GAPVD1: variants seen among roughly 807,000 people sequenced by gnomAD.
The protein encoded by GAPVD1 is GTPase-activating protein and VPS9 domain-containing protein 1.
A neutral mutation model predicts 155.5 loss-of-function variants in GAPVD1; 35 were observed. That is an observed-to-expected ratio of 0.23 (90% CI 0.17 to 0.30). The LOEUF is 0.30. Ranked by LOEUF, GAPVD1 falls within the 10% of genes least tolerant of loss-of-function variation. The probability of loss-of-function intolerance (pLI) is 1.00; values close to 1 mark genes in which losing one functional copy is unlikely to be tolerated. For synonymous variants in GAPVD1, 636 were observed against 619.7 expected (o/e 1.03, Z -0.39); for missense variants, 1,429 against 1,775.7 (o/e 0.80, Z 3.51).
At chr9:125,276,670 CAG>C (rs950984070) in intron 2 of GAPVD1, among the ~76,000 whole-genome samples, 4 of 152,156 alleles carry the variant, frequency 2.6e-5, no homozygotes, top group African/African-American at 7.2e-5. Context: ...GCCTGGAGAA[CAG>C]AGTGAGACCC....
chr9:125,281,157 C>T (rs1034356320), intron 2 of GAPVD1, among the ~76,000 whole-genome samples: 6 of 152,074 alleles, frequency 3.9e-5, no homozygotes, highest in African/African-American at 7.2e-5. Context: ...ATATGGGAGC[C>T]GTTCCCTTTT....
At chr9:125,333,780 G>A (rs895060758) in intron 15 of GAPVD1, among the ~76,000 whole-genome samples, 2 of 152,156 alleles carry the variant, frequency 1.3e-5, no homozygotes, top group Non-Finnish European at 2.9e-5. Flanking sequence ...GAGCCACCGC[G>A]CTCTGCGAGG....
chr9:125,334,417 G>A lies in GAPVD1; in HGVS notation c.2428+1788G>A, dbSNP rs947981945. Among the ~76,000 whole-genome samples the A allele has an allele frequency of 7.9e-5, 12 of 151,954 alleles. No individual in the cohort carries two copies. In the South Asian group the frequency reaches 1.2e-3, roughly 16 times the overall value. Reference sequence around the variant, plus strand: ...GAAGCACCCATATTGCGTTTTCACCGCATTCTGAGATATGATGAGATGTCT... The same window carrying A: ...GAAGCACCCATATTGCGTTTTCACCACATTCTGAGATATGATGAGATGTCT... On this transcript the variant is annotated intron_variant, in intron 15 of 27. Coordinates refer to ENST00000297933, the MANE Select transcript of GAPVD1 (RefSeq NM_001282680.3).
chr9:125,344,807 T>TAAAA (rs1189792717), intron 19 of GAPVD1, among the ~76,000 whole-genome samples: 1 of 134,168 alleles, frequency 7.5e-6, no homozygotes, highest in African/African-American at 2.7e-5. Flanking sequence ...TTGTTTCTAT[T>TAAAA]AAAAAAAAAA....
intron 19 of GAPVD1, among the ~76,000 whole-genome samples, chr9:125,345,417 G>A (rs560972661): frequency 1.3e-5 from 2 of 152,236 alleles, no homozygotes; most frequent in South Asian, 2.1e-4. Flanking sequence ...CTGACCGTGG[G>A]TGATCTGCCC....
intron 3 of GAPVD1, among the ~76,000 whole-genome samples, chr9:125,296,373 T>TTTTTTTTTTTTTTG (rs1839873987): frequency 6.7e-6 from 1 of 149,084 alleles, no homozygotes; most frequent in African/African-American, 2.5e-5. Context: ...TTTTTTTTTT[T>TTTTTTTTTTTTTTG]GAGATGGAGT....
chr9:125,281,695 C>T (rs1836815317), intron 2 of GAPVD1, among the ~76,000 whole-genome samples: 1 of 152,088 alleles, frequency 6.6e-6, no homozygotes, highest in South Asian at 2.1e-4. Context: ...GGATCCCATT[C>T]AGCATACTAT....
intron 2 of GAPVD1, among the ~76,000 whole-genome samples, chr9:125,279,549 C>T (rs13299559): frequency 0.35 from 48,996 of 139,428 alleles, 10,037 homozygotes; most frequent in Middle Eastern, 0.53. Context: ...CCAGCCTAGG[C>T]GACAGAGTGA....
At chr9:125,296,163 C>T (rs987451088) in intron 3 of GAPVD1, among the ~76,000 whole-genome samples, 1 of 151,556 alleles carries the variant, frequency 6.6e-6, no homozygotes, top group African/African-American at 2.4e-5. Flanking sequence ...GACATCCTAA[C>T]ACTTTCTTTC....
intron 9 of GAPVD1, among the ~76,000 whole-genome samples, chr9:125,317,096 G>A (rs988976405): frequency 6.6e-6 from 1 of 152,076 alleles, no homozygotes; most frequent in African/African-American, 2.4e-5. Context: ...AAGGTGGGCT[G>A]TTCATGAGGT....
Position 125,307,876 on chromosome 9 carries a change from T to G in GAPVD1, c.1437T>G (p.Pro479=), listed in dbSNP as rs1158503140. ...TTPANKKNRL[P]IATRSRSRTN... is the part of the protein sequence containing the mutation. The stretch of plus-strand genomic sequence containing the variant: ...CAGCAAATAAAAAGAATCGATTACC[T>G]ATAGGTAAAGAGAATTTCTCGTATT... Residue 479 remains proline, a synonymous_variant, in exon 8 of 28, where the codon CCT becomes CCG. Transcript: ENST00000297933. 11 of 1,591,864 alleles carry G rather than the reference T, an allele frequency of 6.9e-6. No homozygotes were observed. The highest frequency in any genetic ancestry group is 6.7e-5 in the East Asian group (3 of 44,800).
intron 23 of GAPVD1, 90 bp from the exon 24 acceptor site, chr9:125,354,564 A>C (rs1366711997): frequency 1.2e-6 from 1 of 808,984 alleles, no homozygotes; most frequent in Admixed American, 2.2e-5. Flanking sequence ...CTGTGCAGTA[A>C]TTTTTCTAAA....
At chr9:125,339,207 C>T (rs548165892) in intron 17 of GAPVD1, among the ~76,000 whole-genome samples, 1 of 152,232 alleles carries the variant, frequency 6.6e-6, no homozygotes, top group South Asian at 2.1e-4. Context: ...AGGTGCTTAT[C>T]TTGAACTCTT....
At chr9:125,331,076 G>A (rs181881961) in intron 13 of GAPVD1, among the ~76,000 whole-genome samples, 1 of 151,908 alleles carries the variant, frequency 6.6e-6, no homozygotes, top group Non-Finnish European at 1.5e-5. Context: ...TGATTATGAA[G>A]ACGCATCTTT....
At chr9:125,341,693 CAGTG>C (rs1478072232) in intron 18 of GAPVD1, 1 of 157,578 alleles carries the variant, frequency 6.3e-6, no homozygotes, top group Admixed American at 6.3e-5. Context: ...CTGTAAATAT[CAGTG>C]AGTGTTTATT....
intron 17 of GAPVD1, among the ~76,000 whole-genome samples, chr9:125,340,660 T>A (rs1242577459): frequency 6.6e-6 from 1 of 152,126 alleles, no homozygotes; most frequent in Non-Finnish European, 1.5e-5. Context: ...CTGCATTTAC[T>A]TTTTTCATAA....
Position 125,302,162 on chromosome 9 carries a change from A to C in GAPVD1, c.365A>C (p.Gln122Pro). Residue 122 changes from glutamine (Q) to proline (P), a missense_variant, in exon 5 of 28, where the codon CAG becomes CCG. By Grantham distance (76) the Gln-to-Pro change is moderately conservative. This residue lies in a region of GAPVD1 where 628 missense variants were observed against 733.4 expected (regional missense o/e 0.86). Transcript: ENST00000297933. ...TTGGTTGCTGGAGAGAAACTTAATC[A>C]GGAGAACACACAAAGTGTTATTTAC... ...SSLVAGEKLNQENTQSVIYTV... is the reference protein window; with the variant it reads ...SSLVAGEKLNPENTQSVIYTV... 6.2e-7 allele frequency: 1 copy of C among 1,613,976 alleles called. No individual in the cohort carries two copies. Among genetic ancestry groups the C allele is most frequent in the Non-Finnish European group, 8.5e-7 (1 of 1,179,960 alleles).
intron 10 of GAPVD1, among the ~76,000 whole-genome samples, chr9:125,322,222 G>A (rs566403127): frequency 2.2e-4 from 34 of 152,084 alleles, no homozygotes; most frequent in African/African-American, 7.5e-4. Context: ...CCGCCACCAC[G>A]CCTGGCTAAT....
At position 125,332,598 on chromosome 9, in the gene GAPVD1, C is replaced by A. The variant is rs896723582; in HGVS notation, c.2397C>A (p.Val799=). 1 of 1,609,732 alleles carries A rather than the reference C, an allele frequency of 6.2e-7. No homozygotes were observed. Among genetic ancestry groups the A allele is most frequent in the Non-Finnish European group, 8.5e-7 (1 of 1,177,040 alleles). Residue 799 remains valine, a synonymous_variant, in exon 15 of 28, where the codon GTC becomes GTA. Transcript: ENST00000297933. ...CSSDFGGKDS[V]TSPDMDEITH... is the part of the protein sequence containing the mutation. ...CTGATTTTGGGGGTAAAGATTCTGT[C>A]ACTAGTCCAGACATGGATGAAATAA...
Sources: allele counts gnomAD v4.1 joint callset (sites outside exome capture counted in the v4.1 genomes callset), GRCh38; gene constraint gnomAD v4.1.1; regional missense constraint gnomAD v4.1.1; transcripts MANE v1.5; gene names NCBI Gene and HGNC (gene_info 2026-07-23, HGNC 2026-07-21).